The following STK24 variants were observed in gnomAD, a reference collection of about 807,000 sequenced individuals.
The protein encoded by STK24 is serine/threonine kinase 24, also known as serine/threonine-protein kinase 24.
In STK24, 21 loss-of-function variants were observed where a neutral mutation model predicts 55.6. The ratio of observed to expected loss-of-function variants is 0.38; its 90% CI spans 0.27 to 0.54. The LOEUF is 0.54. STK24 is among the 20% of genes least tolerant of loss of function. The pLI is 0.79. For synonymous variants in STK24, 200 were observed against 215.2 expected (o/e 0.93, Z 0.62); for missense variants, 383 against 538.4 (o/e 0.71, Z 2.86).
Position 98,555,999 on chromosome 13 carries a change from T to A in STK24, c.42+20746A>T, listed in dbSNP as rs369184404. Among the ~76,000 whole-genome samples the A allele has an allele frequency of 9.9e-5, 15 of 152,160 alleles. No homozygotes were observed. The East Asian group carries it at 1.3e-3, about 14-fold the overall frequency. On this transcript the variant is annotated intron_variant, in intron 1 of 10. Transcript: ENST00000539966. Reference sequence around the variant, plus strand: ...GCGGGCTACCAGCCTCCCTGTCTTATGTAAATGTCTTCCTTTCTCTAGATA... The same window carrying A: ...GCGGGCTACCAGCCTCCCTGTCTTAAGTAAATGTCTTCCTTTCTCTAGATA...
In STK24 at chr13:98,508,060, G is replaced by A. The variant is rs867893350; in HGVS notation, c.273+11183C>T. Among the ~76,000 whole-genome samples the A allele has an allele frequency of 3.9e-5, 6 of 152,168 alleles. No homozygotes were observed. In the South Asian group the frequency reaches 1.2e-3, roughly 32 times the overall value. ...TAAACTCAAAAATATAAAGAAACAC[G>A]TAGCCTGCAATGACGGTCCCAGCTA... is the stretch of plus-strand genomic sequence containing the variant. On this transcript the variant is annotated intron_variant, in intron 2 of 10. Transcript: ENST00000539966.
Position 98,446,630 on chromosome 13 carries a change from C to T in STK24, c.*6543G>A. The T allele has an allele frequency of 1.2e-6, 2 of 1,609,600 alleles. No individual in the cohort carries two copies. The highest frequency in any genetic ancestry group is 1.1e-5 in the South Asian group (1 of 90,702). On this transcript the variant is annotated 3_prime_UTR_variant, in exon 11 of 11. Coordinates refer to ENST00000539966, the MANE Select transcript of STK24 (RefSeq NM_001032296.4). ...GCCAGGCCCAGCAGCAGAAGCTGAC[C>T]CCGAAAAGCCACTTTGCTTTGTTTC...
intron 1 of STK24, among the ~76,000 whole-genome samples, chr13:98,568,501 G>A (rs1267416023): frequency 6.6e-6 from 1 of 152,086 alleles, no homozygotes; most frequent in Non-Finnish European, 1.5e-5. Flanking sequence ...ATCTGCAAAG[G>A]AAGGAAAAAT....
At position 98,452,640 on chromosome 13, in the gene STK24, T is replaced by C. The variant is rs1893252926; in HGVS notation, c.*533A>G. The C allele has an allele frequency of 6.5e-6, 1 of 152,792 alleles. No individual in the cohort carries two copies. Among genetic ancestry groups the C allele is most frequent in the Non-Finnish European group, 1.5e-5 (1 of 68,188 alleles). 9.5% of individuals were successfully genotyped at this position (152,792 alleles called of 1,614,324 possible). A position where few individuals can be genotyped will look rare whatever the true frequency, so the allele number is the denominator to read the frequency against. ...GACTCAAGTTATGGCCTGTCGAATA[T>C]TTACTCCACTGACGTTATCTACAGA... On this transcript the variant is annotated 3_prime_UTR_variant, in exon 11 of 11. Transcript: ENST00000539966.
intron 1 of STK24, among the ~76,000 whole-genome samples, chr13:98,552,478 C>G (rs1191064117): frequency 2.0e-5 from 3 of 152,080 alleles, no homozygotes; most frequent in African/African-American, 4.8e-5. Context: ...TGGGAAAAGA[C>G]TAAGGGAAAT....
At chr13:98,490,426 T>TA (rs756873168) in intron 2 of STK24, among the ~76,000 whole-genome samples, 4 of 152,322 alleles carry the variant, frequency 2.6e-5, no homozygotes. Flanking sequence ...TATCTTTAGT[T>TA]AATAAGAGGA....
At chr13:98,545,596 T>G (rs1202185256) in intron 1 of STK24, among the ~76,000 whole-genome samples, 1 of 143,002 alleles carries the variant, frequency 7.0e-6, no homozygotes, top group Non-Finnish European at 1.5e-5. Context: ...ATTACGCCAC[T>G]GCACTCCAGC....
rs1000489957 is a variant in STK24, at chr13:98,570,273, G to A, written c.42+6472C>T. On this transcript the variant is annotated intron_variant, in intron 1 of 10. Coordinates refer to ENST00000539966, the MANE Select transcript of STK24 (RefSeq NM_001032296.4). The stretch of plus-strand genomic sequence containing the variant: ...CTGCCCTCGGGGAATAAGAAATGGC[G>A]GGAGGTGGAAGCAGCTGCTATCTTT... 5.9e-5 allele frequency among the ~76,000 whole-genome samples: 9 copies of A among 152,242 alleles called. 1 individual carries two copies. Among genetic ancestry groups the A allele is most frequent in the East Asian group, 3.9e-4 (2 of 5,186 alleles).
chr13:98,519,626 C>G (rs1813647348), intron 1 of STK24, among the ~76,000 whole-genome samples, 153 bp from the exon 2 acceptor site: 1 of 152,206 alleles, frequency 6.6e-6, no homozygotes, highest in Non-Finnish European at 1.5e-5. Flanking sequence ...GACCACAGCT[C>G]TGCAGGTTCA....
intron 1 of STK24, among the ~76,000 whole-genome samples, chr13:98,543,566 G>C (rs988145931): frequency 2.0e-5 from 3 of 152,170 alleles, no homozygotes; most frequent in South Asian, 2.1e-4. Flanking sequence ...GGGTGGGCGC[G>C]GACCCGAAGA....
intron 2 of STK24, among the ~76,000 whole-genome samples, chr13:98,485,170 G>A (rs1894758149): frequency 6.6e-6 from 1 of 152,204 alleles, no homozygotes; most frequent in African/African-American, 2.4e-5. Flanking sequence ...CATCAAGACA[G>A]GGGAACTGCA....
intron 2 of STK24, among the ~76,000 whole-genome samples, chr13:98,497,964 A>G (rs912766646): frequency 1.6e-4 from 24 of 152,328 alleles, no homozygotes; most frequent in Admixed American, 1.5e-3. Flanking sequence ...GGGAGTCCCA[A>G]GCCCACACCC....
In STK24 at chr13:98,448,380, T is replaced by A; in HGVS notation, c.*4793A>T. 1 of 1,279,366 alleles carries A rather than the reference T, an allele frequency of 7.8e-7. No individual in the cohort carries two copies. Among genetic ancestry groups the A allele is most frequent in the South Asian group, 1.2e-5 (1 of 83,932 alleles). The allele number at this position is 1,279,366 out of a possible 1,614,324, so 79.3% of individuals were successfully genotyped here. On this transcript the variant is annotated 3_prime_UTR_variant, in exon 11 of 11. Transcript: ENST00000539966. The stretch of plus-strand genomic sequence containing the variant: ...TGGAAGACGTTTCCTTTCTTCTGTA[T>A]TAATGAAGCCTGGTAAAATTAACAC...
At chr13:98,517,685 T>G (rs1348812341) in intron 2 of STK24, among the ~76,000 whole-genome samples, 1 of 152,144 alleles carries the variant, frequency 6.6e-6, no homozygotes, top group African/African-American at 2.4e-5. Context: ...GGAAGTCACA[T>G]GTGTAGTGCT....
intron 2 of STK24, among the ~76,000 whole-genome samples, chr13:98,517,879 T>C (rs567870423): frequency 2.6e-5 from 4 of 152,238 alleles, no homozygotes; most frequent in Non-Finnish European, 4.4e-5. Context: ...GAGGTATGAA[T>C]AAATGCTACC....
chr13:98,490,723 G>A (rs2139321644), intron 2 of STK24, among the ~76,000 whole-genome samples: 1 of 152,088 alleles, frequency 6.6e-6, no homozygotes, highest in South Asian at 2.1e-4. Flanking sequence ...TGGACAATGT[G>A]GAAGGAAGGC....
chr13:98,533,427 G>A (rs1594647146), intron 1 of STK24, among the ~76,000 whole-genome samples: 1 of 151,458 alleles, frequency 6.6e-6, no homozygotes, highest in African/African-American at 2.4e-5. Context: ...TTTAATTAAG[G>A]AAAACCCTAG....
At chr13:98,498,425 G>GA (rs766513573) in intron 2 of STK24, among the ~76,000 whole-genome samples, 34 of 152,220 alleles carry the variant, frequency 2.2e-4, no homozygotes, top group Non-Finnish European at 4.7e-4. Flanking sequence ...TGAGATTGCT[G>GA]AAAAGCAAAG....
chr13:98,561,181 G>A (rs542726012), intron 1 of STK24, among the ~76,000 whole-genome samples: 2 of 152,318 alleles, frequency 1.3e-5, no homozygotes, highest in East Asian at 3.9e-4. Flanking sequence ...AGCAACCTAG[G>A]CAAAGCAATT....
Sources: gnomAD v4.1 joint callset for allele counts (sites outside exome capture counted in the v4.1 genomes callset) on GRCh38, gnomAD v4.1.1 for gene constraint, MANE v1.5 for transcripts, NCBI Gene and HGNC (gene_info 2026-07-23, HGNC 2026-07-21) for gene names.